Variants in BCL7C observed in about 807,000 individuals in gnomAD.
The protein encoded by BCL7C is BAF chromatin remodeling complex subunit BCL7C.
A neutral mutation model predicts 26.2 loss-of-function variants in BCL7C; 8 were observed. The ratio of observed to expected loss-of-function variants is 0.30; its 90% confidence interval spans 0.18 to 0.55. The LOEUF is 0.55. BCL7C is among the 20% of genes least tolerant of loss of function. BCL7C has a pLI of 0.93. For synonymous variants in BCL7C, 90 were observed against 116.5 expected, an observed-to-expected ratio of 0.77 and a Z score of 1.47; for missense variants, 262 against 298.5, an observed-to-expected ratio of 0.88 and a Z score of 0.90.
intron 4 of BCL7C, 32 bp downstream of exon 4, chr16:30,892,554 G>C (rs779903571): frequency 2.6e-6 from 4 of 1,527,872 alleles, no homozygotes; most frequent in Non-Finnish European, 2.6e-6. Context: ...AGGACTTAGA[G>C]GAGAGAGCTC....
At chr16:30,883,748 C>T (rs1165024670), downstream of BCL7C, among the ~76,000 whole-genome samples, 1 of 147,970 alleles carries the variant, frequency 6.8e-6, no homozygotes, top group Non-Finnish European at 1.5e-5. Context: ...AACTCCTGAC[C>T]TCAAGTGATC....
intron 5 of BCL7C, among the ~76,000 whole-genome samples, chr16:30,880,800 G>C (rs2055031021): frequency 6.6e-6 from 1 of 152,040 alleles, no homozygotes; most frequent in Admixed American, 6.6e-5. Context: ...CTGGACTCAA[G>C]TGATCCTCTC....
downstream of BCL7C, among the ~76,000 whole-genome samples, chr16:30,884,694 C>T (rs977703445): frequency 6.6e-6 from 1 of 151,994 alleles, no homozygotes; most frequent in Admixed American, 6.6e-5. Context: ...GACAGGGTTT[C>T]ACCATGTTGG....
chr16:30,875,277 T>A (rs898925370), intron 5 of BCL7C: 1 of 154,454 alleles, frequency 6.5e-6, no homozygotes. Context: ...ACCCGCTTAC[T>A]GCAGGCCGCA....
In BCL7C at chr16:30,852,701, G is replaced by A. The variant is rs543123497; in HGVS notation, c.529-17553C>T. On this transcript the variant is annotated intron_variant, in intron 5 of 5. Coordinates refer to the BCL7C transcript ENST00000380317. ...GAGACGGGGTTTCACCATATTGGTC[G>A]GGCTGGTCTCAAACTCCTGACCTCA... 2.0e-3 allele frequency among the ~76,000 whole-genome samples: 300 copies of A among 151,234 alleles called. 3 individuals carry two copies. The highest frequency in any genetic ancestry group is 1.0e-3 in the Non-Finnish European group (68 of 67,772).
downstream of BCL7C, chr16:30,887,704 C>T: frequency 8.1e-7 from 1 of 1,238,756 alleles, no homozygotes; most frequent in African/African-American, 1.6e-5. Context: ...CTCTCAGAGC[C>T]TCAGTGACCA....
At chr16:30,837,191 T>C (rs555239565) in intron 5 of BCL7C, among the ~76,000 whole-genome samples, 2 of 152,286 alleles carry the variant, frequency 1.3e-5, no homozygotes, top group Admixed American at 1.3e-4. Flanking sequence ...GCCCAGTTGT[T>C]GGTGCCTAAT....
At chr16:30,860,163 G>T (rs1338791202) in intron 5 of BCL7C, among the ~76,000 whole-genome samples, 1 of 152,172 alleles carries the variant, frequency 6.6e-6, no homozygotes, top group African/African-American at 2.4e-5. Context: ...TTTTATCCGT[G>T]GACCCAAAAC....
At chr16:30,884,660 A>G (rs1596618195), downstream of BCL7C, among the ~76,000 whole-genome samples, 1 of 151,938 alleles carries the variant, frequency 6.6e-6, no homozygotes, top group Middle Eastern at 3.4e-3. Context: ...ACCATGCCCA[A>G]GTAATTTTTC....
intron 5 of BCL7C, among the ~76,000 whole-genome samples, chr16:30,861,150 T>C (rs11647697): frequency 0.73 from 111,021 of 152,054 alleles, 41,056 homozygotes; most frequent in East Asian, 0.91. Context: ...CGTTTGGCAA[T>C]AACCCTTAGA....
chr16:30,881,694 C>T (rs892339253), intron 5 of BCL7C, among the ~76,000 whole-genome samples: 1 of 152,154 alleles, frequency 6.6e-6, no homozygotes, highest in Non-Finnish European at 1.5e-5. Flanking sequence ...TCCCTCCGCT[C>T]CAGTCACACT....
chr16:30,855,786 C>A (rs192498707), intron 5 of BCL7C, among the ~76,000 whole-genome samples: 147 of 151,866 alleles, frequency 9.7e-4, no homozygotes, highest in African/African-American at 3.3e-3. Context: ...AAGGGCTGGG[C>A]GTGGTGGCTC....
chr16:30,875,760 G>A (rs1465562397), intron 5 of BCL7C: 1 of 152,146 alleles, frequency 6.6e-6, no homozygotes, highest in Non-Finnish European at 1.5e-5. Context: ...AAAATATAAA[G>A]GTTGAAAATA....
chr16:30,837,323 A>G (rs1423875923), intron 5 of BCL7C, among the ~76,000 whole-genome samples: 2 of 152,116 alleles, frequency 1.3e-5, no homozygotes, highest in African/African-American at 4.8e-5. Context: ...GATATTTTCA[A>G]GGATATTGGG....
intron 5 of BCL7C, among the ~76,000 whole-genome samples, chr16:30,862,734 A>C (rs375487557): frequency 7.2e-5 from 11 of 152,130 alleles, no homozygotes; most frequent in African/African-American, 2.7e-4. Context: ...CTACAAAGCA[A>C]CAACTCCTTT....
intron 5 of BCL7C, among the ~76,000 whole-genome samples, chr16:30,879,589 C>T (rs1013745897): frequency 2.9e-4 from 43 of 150,552 alleles, no homozygotes; most frequent in African/African-American, 1.0e-3. Context: ...GGTGTGGTGG[C>T]TCACGCCTGT....
rs2055288525 is a variant in BCL7C, at chr16:30,893,348, G to T, written c.93-58C>A. On this transcript the variant is annotated intron_variant, in intron 1 of 5. Coordinates refer to ENST00000215115, the MANE Select transcript of BCL7C (RefSeq NM_004765.4). This position sits in a 1 kb window ranked among gnomAD's most constrained non-coding sequence, Gnocchi z 5.2. ...CCTGAGGGGAGACCCACCCCCCTAGGAGCTGGACACATCTGGGGGTACCTG... is the reference window on the plus strand; with the variant it reads ...CCTGAGGGGAGACCCACCCCCCTAGTAGCTGGACACATCTGGGGGTACCTG... The T allele has an allele frequency of 1.4e-6, 2 of 1,425,404 alleles. No homozygotes were observed. The highest frequency in any genetic ancestry group is 1.2e-5 in the South Asian group (1 of 83,682). 88.3% of individuals were successfully genotyped at this position (1,425,404 alleles called of 1,614,324 possible). A position where few individuals can be genotyped will look rare whatever the true frequency, so the allele number is the denominator to read the frequency against.
At chr16:30,885,818 A>G (rs1051300937), downstream of BCL7C, among the ~76,000 whole-genome samples, 1 of 152,150 alleles carries the variant, frequency 6.6e-6, no homozygotes, top group Non-Finnish European at 1.5e-5. Flanking sequence ...GGCTCCACCA[A>G]CACCACTGCA....
chr16:30,886,217 A>C (rs1239308259), downstream of BCL7C, among the ~76,000 whole-genome samples: 1 of 152,168 alleles, frequency 6.6e-6, no homozygotes, highest in Non-Finnish European at 1.5e-5. Context: ...AAAAATAAAA[A>C]TAGGGCCAAT....
Sources: gnomAD v4.1 joint callset for allele counts (sites outside exome capture counted in the v4.1 genomes callset) on GRCh38, gnomAD v4.1.1 for gene constraint, Gnocchi (gnomAD v3.1) non-coding constraint, MANE v1.5 for transcripts, NCBI Gene and HGNC (gene_info 2026-07-23, HGNC 2026-07-21) for gene names.